CNOT10: variants seen among roughly 807,000 people sequenced by gnomAD.
CNOT10 encodes the protein CCR4-NOT transcription complex subunit 10.
In CNOT10, 30 loss-of-function variants were observed where a neutral mutation model predicts 94.6. That is an observed-to-expected ratio of 0.32 (90% confidence interval 0.24 to 0.43). The LOEUF (loss-of-function observed/expected upper bound fraction) is 0.43. CNOT10 is among the 20% of genes least tolerant of loss of function. The pLI, the probability that CNOT10 is intolerant of heterozygous loss-of-function variation, is 1.00. For missense variants in CNOT10, 759 were observed against 877.2 expected, an observed-to-expected ratio of 0.87 and a Z score of 1.70; for synonymous variants, 289 against 301.6, an observed-to-expected ratio of 0.96 and a Z score of 0.43.
intron 9 of CNOT10, among the ~76,000 whole-genome samples, chr3:32,725,888 A>G (rs778241177): frequency 6.6e-6 from 1 of 152,074 alleles, no homozygotes; most frequent in Non-Finnish European, 1.5e-5. Flanking sequence ...AGAATGTTTG[A>G]TTAGTCACAA....
rs748152507 is a variant in CNOT10, at chr3:32,703,979, C to T, written c.117+17C>T. On this transcript the variant is annotated intron_variant, in intron 2 of 18. Transcript: ENST00000328834. The stretch of plus-strand genomic sequence containing the variant: ...GCTTTCACAGTAAGAAATGGCTTCT[C>T]TTAGTCTGCTCAAGTTGTAGGGTTC... 15 of 1,515,164 alleles carry T rather than the reference C, an allele frequency of 9.9e-6. No homozygotes were observed. The highest frequency in any genetic ancestry group is 1.4e-5 in the Non-Finnish European group (15 of 1,091,152). The allele number at this position is 1,515,164 out of a possible 1,614,324, so 93.9% of individuals were successfully genotyped here. A position where few individuals can be genotyped will look rare whatever the true frequency, so the allele number is the denominator to read the frequency against.
At chr3:32,720,919 C>T (rs1316472118) in intron 8 of CNOT10, among the ~76,000 whole-genome samples, 1 of 139,180 alleles carries the variant, frequency 7.2e-6, no homozygotes, top group African/African-American at 2.7e-5. Context: ...TCCTTCCTTC[C>T]TTCCTTCCTT....
chr3:32,690,620 C>T (rs964528071), intron 1 of CNOT10, among the ~76,000 whole-genome samples: 3 of 151,734 alleles, frequency 2.0e-5, no homozygotes, highest in African/African-American at 4.8e-5. Context: ...GATCTTGGCT[C>T]ACTGCAAGCT....
At chr3:32,755,126 G>A (rs62251886) in intron 13 of CNOT10, among the ~76,000 whole-genome samples, 30,406 of 150,004 alleles carry the variant, frequency 0.2, 3,938 homozygotes, top group African/African-American at 0.36. Context: ...CACGCCTGTA[G>A]TCCCAGCTAC....
intron 10 of CNOT10, among the ~76,000 whole-genome samples, chr3:32,729,121 G>C (rs1415461887): frequency 6.6e-6 from 1 of 152,162 alleles, no homozygotes; most frequent in Non-Finnish European, 1.5e-5. Flanking sequence ...ACATAATGTG[G>C]AAAGAGCTGC....
chr3:32,743,046 G>A (rs1268917486), intron 13 of CNOT10, among the ~76,000 whole-genome samples: 1 of 149,226 alleles, frequency 6.7e-6, no homozygotes, highest in East Asian at 2.0e-4. Context: ...GAGTGCAATG[G>A]TGTGTCTTGG....
At chr3:32,710,076 G>A (rs553760208) in intron 4 of CNOT10, among the ~76,000 whole-genome samples, 3 of 148,514 alleles carry the variant, frequency 2.0e-5, no homozygotes, top group Non-Finnish European at 4.4e-5. Context: ...GAACCCGAGA[G>A]GCCGAGGTTG....
At position 32,694,330 on chromosome 3, in the gene CNOT10, C is replaced by G. The variant is rs146025817; in HGVS notation, c.22+8848C>G. On this transcript the variant is annotated intron_variant, in intron 1 of 18. Coordinates refer to ENST00000328834, the MANE Select transcript of CNOT10 (RefSeq NM_015442.3). ...AATGAGTTTAGACATTCATCACAGG[C>G]CTTTAAAATTAGACCTCCAAGTAGA... Among the ~76,000 whole-genome samples, 194 of 152,034 alleles carry G rather than the reference C, an allele frequency of 1.3e-3. 2 individuals carry two copies. The highest frequency in any genetic ancestry group is 4.3e-3 in the African/African-American group (178 of 41,484).
Position 32,753,435 on chromosome 3 carries a change from G to C in CNOT10, c.1596-6023G>C. ...TTTCAGAAAAGGAATTGTCTGCTTTGGTTAAACTTCCTTCTGGAGAGGATT... is the reference window on the plus strand; with the variant it reads ...TTTCAGAAAAGGAATTGTCTGCTTTCGTTAAACTTCCTTCTGGAGAGGATT... On this transcript the variant is annotated intron_variant, in intron 13 of 18. Transcript: ENST00000328834. 2.0e-6 allele frequency: 3 copies of C among 1,523,154 alleles called. 1 individual carries two copies. In the South Asian group the frequency reaches 3.4e-5, roughly 17 times the overall value. The allele number at this position is 1,523,154 out of a possible 1,614,324, so 94.4% of individuals were successfully genotyped here.
chr3:32,708,193 C>T (rs574408854), intron 3 of CNOT10, among the ~76,000 whole-genome samples: 19 of 152,236 alleles, frequency 1.2e-4, no homozygotes, highest in South Asian at 8.3e-4. Context: ...CTGCCACGCC[C>T]GGCCAGCTAT....
rs77274504 is a variant in CNOT10 at position 32,715,485 on chromosome 3, A to G, written c.574-740A>G. On this transcript the variant is annotated intron_variant, in intron 5 of 18. Transcript: ENST00000328834. ...GATGTTGGCAATATGAGTGTGAGTG[A>G]TAGCTTGAAGAACTTTGAATACTAG... Among the ~76,000 whole-genome samples, 794 of 152,288 alleles carry G rather than the reference A, an allele frequency of 5.2e-3. 6 individuals carry two copies. The highest frequency in any genetic ancestry group is 0.018 in the African/African-American group (730 of 41,552).
At chr3:32,745,268 T>C (rs990311280) in intron 13 of CNOT10, among the ~76,000 whole-genome samples, 7 of 152,044 alleles carry the variant, frequency 4.6e-5, no homozygotes, top group African/African-American at 1.7e-4. Context: ...ACTGTATTGG[T>C]TTTTAATTTT....
chr3:32,742,383 T>C (rs1486065231), intron 13 of CNOT10, among the ~76,000 whole-genome samples: 1 of 151,846 alleles, frequency 6.6e-6, no homozygotes, highest in Non-Finnish European at 1.5e-5. Context: ...TGGTGTGTTG[T>C]CATTGTTGCC....
At chr3:32,750,211 A>C (rs1647051567) in intron 13 of CNOT10, among the ~76,000 whole-genome samples, 1 of 152,070 alleles carries the variant, frequency 6.6e-6, no homozygotes, top group Non-Finnish European at 1.5e-5. Context: ...CAAAAAAGTA[A>C]GGCCTGGGCA....
intron 13 of CNOT10, among the ~76,000 whole-genome samples, chr3:32,741,570 C>T (rs1190490532): frequency 6.6e-6 from 1 of 151,990 alleles, no homozygotes; most frequent in East Asian, 1.9e-4. Context: ...GAGTTCAAGA[C>T]CAGCCTGGCC....
intron 17 of CNOT10, among the ~76,000 whole-genome samples, chr3:32,765,878 A>G (rs1700629470): frequency 1.9e-5 from 1 of 53,210 alleles, no homozygotes; most frequent in South Asian, 5.9e-4. Context: ...GTATACATGC[A>G]TAAAAGATCT....
intron 1 of CNOT10, among the ~76,000 whole-genome samples, chr3:32,703,152 C>A: frequency 6.6e-6 from 1 of 150,518 alleles, no homozygotes; most frequent in Non-Finnish European, 1.5e-5. Flanking sequence ...TCTCGATCTC[C>A]TGACCTTGTG....
chr3:32,688,518 A>G (rs1283992193), intron 1 of CNOT10, among the ~76,000 whole-genome samples: 7 of 151,798 alleles, frequency 4.6e-5, no homozygotes, highest in Non-Finnish European at 8.8e-5. Flanking sequence ...AATTGCTTGA[A>G]CCTGGGAGGC....
Position 32,752,076 on chromosome 3 carries a change from G to A in CNOT10, c.1596-7382G>A, listed in dbSNP as rs114879168. ...GTTCGAGGCAGGTGGATCACCTGAGGTTGGGATTTCGGGACCAGCCTGACC... is the reference window on the plus strand; with the variant it reads ...GTTCGAGGCAGGTGGATCACCTGAGATTGGGATTTCGGGACCAGCCTGACC... On this transcript the variant is annotated intron_variant, in intron 13 of 18. Transcript: ENST00000328834. Among the ~76,000 whole-genome samples the A allele has an allele frequency of 1.9e-3, 281 of 151,662 alleles. 1 individual carries two copies. Among genetic ancestry groups the A allele is most frequent in the African/African-American group, 6.6e-3 (272 of 41,126 alleles).
Sources: allele counts gnomAD v4.1 joint callset (sites outside exome capture counted in the v4.1 genomes callset), GRCh38; gene constraint gnomAD v4.1.1; transcripts MANE v1.5; gene names NCBI Gene and HGNC (gene_info 2026-07-23, HGNC 2026-07-21).